PPM1L: variants seen among roughly 807,000 people sequenced by gnomAD.
PPM1L encodes the protein protein phosphatase, Mg2+/Mn2+ dependent 1L.
Under a neutral mutation model 31.4 loss-of-function variants are expected in PPM1L, and 13 were observed. The ratio of observed to expected loss-of-function variants is 0.41; its 90% CI spans 0.27 to 0.66. The LOEUF (loss-of-function observed/expected upper bound fraction) is 0.66. Ranked by LOEUF, PPM1L falls within the 30% of genes least tolerant of loss-of-function variation. The pLI is 0.29. For missense variants in PPM1L, 326 were observed against 453.7 expected, an observed-to-expected ratio of 0.72 and a Z score of 2.56; for synonymous variants, 184 against 175.4, an observed-to-expected ratio of 1.05 and a Z score of -0.39.
chr3:160,835,212 G>A (rs1285567478), intron 1 of PPM1L, among the ~76,000 whole-genome samples: 1 of 118,592 alleles, frequency 8.4e-6, no homozygotes, highest in Non-Finnish European at 1.6e-5. Flanking sequence ...CCAAATCCAT[G>A]ATGTGAAGCT....
chr3:160,989,700 C>A (rs1463465113), intron 2 of PPM1L, among the ~76,000 whole-genome samples: 1 of 152,184 alleles, frequency 6.6e-6, no homozygotes, highest in African/African-American at 2.4e-5. Flanking sequence ...TGCTCTGTCA[C>A]CCATGCTGGA....
chr3:160,908,525 C>CT (rs893908669), intron 1 of PPM1L, among the ~76,000 whole-genome samples: 6 of 151,368 alleles, frequency 4.0e-5, no homozygotes, highest in Non-Finnish European at 5.9e-5. Flanking sequence ...TTACTACTTT[C>CT]TTTTTTTTTA....
At chr3:160,818,898 T>G (rs1011588645) in intron 1 of PPM1L, among the ~76,000 whole-genome samples, 3 of 151,920 alleles carry the variant, frequency 2.0e-5, no homozygotes, top group Non-Finnish European at 4.4e-5. Context: ...ATTTATTTAT[T>G]TATTTATTTT....
intron 1 of PPM1L, among the ~76,000 whole-genome samples, chr3:160,779,141 A>AT (rs546497894): frequency 2.3e-3 from 350 of 151,988 alleles, no homozygotes; most frequent in African/African-American, 7.8e-3. Flanking sequence ...AAAAAAGCAA[A>AT]TGTCATTAGA....
intron 2 of PPM1L, among the ~76,000 whole-genome samples, chr3:161,050,585 A>C (rs906173341): frequency 6.6e-6 from 1 of 152,180 alleles, no homozygotes; most frequent in Non-Finnish European, 1.5e-5. Context: ...AGTTCTTTTC[A>C]AGTAAAAATG....
intron 1 of PPM1L, among the ~76,000 whole-genome samples, chr3:160,898,423 T>C (rs1447620): frequency 0.42 from 63,760 of 152,110 alleles, 14,942 homozygotes; most frequent in Non-Finnish European, 0.54. Flanking sequence ...TAATGAGAAG[T>C]GAGACCTGCT....
chr3:160,994,763 A>C (rs1378625929), intron 2 of PPM1L, among the ~76,000 whole-genome samples: 1 of 152,194 alleles, frequency 6.6e-6, no homozygotes, highest in Admixed American at 6.5e-5. Context: ...TGAACAAATG[A>C]CTATCAGGGT....
At chr3:160,927,370 C>T (rs571714726) in intron 1 of PPM1L, among the ~76,000 whole-genome samples, 79 of 152,152 alleles carry the variant, frequency 5.2e-4, no homozygotes, top group African/African-American at 1.9e-3. Context: ...AAATAGGGAG[C>T]AATCATAAAA....
intron 1 of PPM1L, among the ~76,000 whole-genome samples, chr3:160,814,569 A>G (rs1314396464): frequency 3.0e-5 from 3 of 100,602 alleles, no homozygotes; most frequent in African/African-American, 4.2e-5. Context: ...ATATGTATGT[A>G]TGTGTATATA....
intron 1 of PPM1L, among the ~76,000 whole-genome samples, chr3:160,869,368 C>T (rs1264890540): frequency 1.3e-5 from 2 of 152,142 alleles, no homozygotes; most frequent in Non-Finnish European, 2.9e-5. Flanking sequence ...CTTTCCTATG[C>T]ACATCATTAT....
intron 1 of PPM1L, among the ~76,000 whole-genome samples, chr3:160,826,208 A>G (rs1176007282): frequency 6.6e-6 from 1 of 152,108 alleles, no homozygotes; most frequent in African/African-American, 2.4e-5. Flanking sequence ...GATGAGTACC[A>G]TGGGAAGGCT....
chr3:160,885,146 C>T (rs1159723262), intron 1 of PPM1L, among the ~76,000 whole-genome samples: 2 of 152,208 alleles, frequency 1.3e-5, no homozygotes, highest in Non-Finnish European at 2.9e-5. Context: ...CACCCCTTCA[C>T]TGACCTGACC....
rs2108022062 is a variant in PPM1L, at chr3:160,861,575, A to C, written c.400-100161A>C. Among the ~76,000 whole-genome samples, 2 of 152,252 alleles carry C rather than the reference A, an allele frequency of 1.3e-5. 1 individual carries two copies. Among genetic ancestry groups the C allele is most frequent in the African/African-American group, 4.8e-5 (2 of 41,550 alleles). The stretch of plus-strand genomic sequence containing the variant: ...AGATGCCTTTGAGATTCAGTTTCCT[A>C]ATCTGTATAGCGGGGGACAATAACA... On this transcript the variant is annotated intron_variant, in intron 1 of 3. Transcript: ENST00000498165.
At position 161,068,791 on chromosome 3, in the gene PPM1L, G is replaced by A; in HGVS notation, c.737-20G>A. On this transcript the variant is annotated intron_variant, in intron 3 of 3. Coordinates refer to ENST00000498165, the MANE Select transcript of PPM1L (RefSeq NM_139245.4). ...GAGATATCAGCTGGTCAAACTAATG[G>A]GCTCATCCTGTCTTTCTAGGTGGTT... 1.0e-5 allele frequency: 16 copies of A among 1,585,772 alleles called. No individual in the cohort carries two copies. Among genetic ancestry groups the A allele is most frequent in the Non-Finnish European group, 1.4e-5 (16 of 1,163,588 alleles).
intron 2 of PPM1L, among the ~76,000 whole-genome samples, chr3:161,062,663 A>G (rs180959683): frequency 2.6e-5 from 4 of 152,288 alleles, no homozygotes; most frequent in Admixed American, 2.0e-4. Flanking sequence ...TTATTTTTCT[A>G]GCTGCAAGAA....
chr3:160,893,002 G>T (rs955663110), intron 1 of PPM1L, among the ~76,000 whole-genome samples: 5 of 152,054 alleles, frequency 3.3e-5, no homozygotes, highest in Non-Finnish European at 5.9e-5. Context: ...CAGTTGGAAT[G>T]ATATACATGT....
intron 2 of PPM1L, among the ~76,000 whole-genome samples, chr3:160,992,093 G>A (rs1353714602): frequency 1.3e-5 from 2 of 152,076 alleles, no homozygotes; most frequent in East Asian, 1.9e-4. Flanking sequence ...AGCAAAGCCA[G>A]AATTCGAACC....
chr3:160,808,176 A>G (rs746224546), intron 1 of PPM1L, among the ~76,000 whole-genome samples: 6 of 152,146 alleles, frequency 3.9e-5, no homozygotes, highest in South Asian at 4.1e-4. Flanking sequence ...TGGTGTAGTA[A>G]TTTAGATTTT....
intron 1 of PPM1L, among the ~76,000 whole-genome samples, chr3:160,836,059 T>C (rs1038966817): frequency 6.6e-6 from 1 of 152,238 alleles, no homozygotes; most frequent in Non-Finnish European, 1.5e-5. Context: ...AAATATCTTT[T>C]CAGGTATCTT....
Sources: allele counts gnomAD v4.1 joint callset (sites outside exome capture counted in the v4.1 genomes callset), GRCh38; gene constraint gnomAD v4.1.1; transcripts MANE v1.5; gene names NCBI Gene and HGNC (gene_info 2026-07-23, HGNC 2026-07-21).